Variants in GPR158 observed in about 807,000 individuals in gnomAD.
GPR158 encodes metabotropic glycine receptor.
A neutral mutation model predicts 78.2 loss-of-function variants in GPR158; 30 were observed. The observed-to-expected ratio is 0.38, with a 90% CI of 0.29 to 0.52. The LOEUF (loss-of-function observed/expected upper bound fraction) is 0.52, where lower values mean the gene tolerates loss of function less well. Among genes scored for constraint, GPR158 ranks in the 20% least tolerant of loss-of-function variants. GPR158 has a pLI of 0.83. For synonymous variants in GPR158, 581 were observed against 591.1 expected (o/e 0.98, Z 0.25); for missense variants, 1,463 against 1,523.5 (o/e 0.96, Z 0.66).
intron 2 of GPR158, among the ~76,000 whole-genome samples, chr10:25,297,850 A>G (rs1253534260): frequency 6.6e-6 from 1 of 152,208 alleles, no homozygotes; most frequent in African/African-American, 2.4e-5. Context: ...GAACAGTGAC[A>G]TCTCAGAAGT....
intron 3 of GPR158, 91 bp from the exon 4 acceptor site, chr10:25,412,159 A>G: frequency 1.2e-6 from 1 of 838,850 alleles, no homozygotes; most frequent in Non-Finnish European, 2.1e-6. Context: ...GAGAAAAGGA[A>G]TGAGGAGTCA....
At chr10:25,355,359 A>G (rs745894976) in intron 2 of GPR158, among the ~76,000 whole-genome samples, 4 of 152,076 alleles carry the variant, frequency 2.6e-5, no homozygotes, top group Non-Finnish European at 4.4e-5. Context: ...GTTTTAAGGT[A>G]TCTGTTTGAT....
At chr10:25,363,249 T>C (rs1035897186) in intron 2 of GPR158, among the ~76,000 whole-genome samples, 2 of 151,992 alleles carry the variant, frequency 1.3e-5, no homozygotes, top group Non-Finnish European at 2.9e-5. Flanking sequence ...TGTCAAATTG[T>C]ATTTTGTTAT....
In GPR158 at chr10:25,381,692, C is replaced by A. The variant is rs534057951; in HGVS notation, c.1009-14219C>A. On this transcript the variant is annotated intron_variant, in intron 2 of 10. Coordinates refer to ENST00000376351, the MANE Select transcript of GPR158 (RefSeq NM_020752.3). ...TCAAAGGCAGTTGAAGGAGTTTCTT[C>A]TCATGGCTTTTATTTACATTTAAAA... Among the ~76,000 whole-genome samples the A allele has an allele frequency of 7.9e-5, 12 of 152,298 alleles. No homozygotes were observed. In the South Asian group the frequency reaches 2.5e-3, roughly 32 times the overall value.
intron 5 of GPR158, 68 bp downstream of exon 5, chr10:25,466,787 T>G: frequency 1.4e-6 from 1 of 707,290 alleles, no homozygotes; most frequent in South Asian, 1.8e-5. Context: ...AGTTACTGTT[T>G]ACACACACAC....
chr10:25,276,695 G>A (rs955968729), intron 2 of GPR158, among the ~76,000 whole-genome samples: 17 of 152,124 alleles, frequency 1.1e-4, no homozygotes, highest in Non-Finnish European at 1.6e-4. Flanking sequence ...GAAAAATGGT[G>A]CTCCTGGAGA....
intron 2 of GPR158, among the ~76,000 whole-genome samples, chr10:25,333,870 T>C (rs901154216): frequency 6.6e-5 from 10 of 152,120 alleles, no homozygotes; most frequent in Admixed American, 4.6e-4. Context: ...GCTTCTTATT[T>C]GACATCATTT....
chr10:25,381,285 G>A (rs1449851183), intron 2 of GPR158, among the ~76,000 whole-genome samples: 2 of 152,182 alleles, frequency 1.3e-5, no homozygotes, highest in African/African-American at 4.8e-5. Flanking sequence ...GGCAACATCA[G>A]ATCAATGGAG....
At chr10:25,490,691 A>C (rs978096792) in intron 5 of GPR158, among the ~76,000 whole-genome samples, 1 of 107,846 alleles carries the variant, frequency 9.3e-6, no homozygotes, top group East Asian at 3.1e-4. Context: ...CCAGTCTATC[A>C]TTGTTGGACA....
At chr10:25,266,651 GAAGTAA>G (rs1247766068) in intron 2 of GPR158, among the ~76,000 whole-genome samples, 2 of 151,956 alleles carry the variant, frequency 1.3e-5, no homozygotes, top group African/African-American at 4.8e-5. Flanking sequence ...TTGTGCTGTA[GAAGTAA>G]AAGACAAGGT....
At chr10:25,498,296 T>C (rs1166812821) in intron 5 of GPR158, among the ~76,000 whole-genome samples, 1 of 152,198 alleles carries the variant, frequency 6.6e-6, no homozygotes, top group African/African-American at 2.4e-5. Flanking sequence ...GTGCGTGTTG[T>C]GTAAAAATGC....
chr10:25,258,449 A>G (rs369371161), intron 2 of GPR158, among the ~76,000 whole-genome samples: 1 of 152,072 alleles, frequency 6.6e-6, no homozygotes, highest in South Asian at 2.1e-4. Flanking sequence ...AACTTATTCA[A>G]TTTTCACAAA....
At chr10:25,434,034 C>T (rs529506432) in intron 4 of GPR158, among the ~76,000 whole-genome samples, 3 of 152,100 alleles carry the variant, frequency 2.0e-5, no homozygotes, top group Admixed American at 6.5e-5. Flanking sequence ...TGAAGGGCAC[C>T]TGTAGTCCCA....
At chr10:25,411,933 CAAAAAAAAAAAAAAAAAAA>C (rs1164005677) in intron 3 of GPR158, among the ~76,000 whole-genome samples, 597 of 47,504 alleles carry the variant, frequency 0.013, 11 homozygotes, top group African/African-American at 0.042. Flanking sequence ...GACTCTATCA[CAAAAAAAAAAAAAAAAAAA>C]AAAAAAAAAA....
At chr10:25,514,626 T>A (rs1836135791) in intron 5 of GPR158, among the ~76,000 whole-genome samples, 2 of 152,186 alleles carry the variant, frequency 1.3e-5, no homozygotes, top group Admixed American at 6.6e-5. Context: ...AGATTTATGC[T>A]TTAAGGAGGT....
chr10:25,355,422 T>A (rs953173708), intron 2 of GPR158, among the ~76,000 whole-genome samples: 1 of 152,116 alleles, frequency 6.6e-6, no homozygotes, highest in African/African-American at 2.4e-5. Flanking sequence ...AATTTTTGAA[T>A]TGCTTTTCTA....
chr10:25,400,171 C>G (rs1041015856), intron 3 of GPR158, among the ~76,000 whole-genome samples: 3 of 152,090 alleles, frequency 2.0e-5, no homozygotes, highest in African/African-American at 7.2e-5. Flanking sequence ...TAGCTAGGAC[C>G]TTTGGAGAAT....
chr10:25,470,143 G>A (rs1311034638), intron 5 of GPR158, among the ~76,000 whole-genome samples: 1 of 150,958 alleles, frequency 6.6e-6, no homozygotes, highest in Admixed American at 6.6e-5. Flanking sequence ...TCAATATGTA[G>A]ATCGAGTGTT....
chr10:25,230,199 G>T (rs1853429843), intron 2 of GPR158, among the ~76,000 whole-genome samples: 1 of 152,220 alleles, frequency 6.6e-6, no homozygotes, highest in Non-Finnish European at 1.5e-5. Context: ...ATAAGATCCT[G>T]AATGTGAATC....
Sources: gnomAD v4.1 joint callset for allele counts (sites outside exome capture counted in the v4.1 genomes callset) on GRCh38, gnomAD v4.1.1 for gene constraint, MANE v1.5 for transcripts, NCBI Gene and HGNC (gene_info 2026-07-23, HGNC 2026-07-21) for gene names.